The following TP63 variants were observed in gnomAD, a reference collection of about 807,000 sequenced individuals.
TP63 encodes the protein tumor protein p63.
TP63 carries 17 observed loss-of-function variants against 82.8 expected under a neutral mutation model. That is an observed-to-expected ratio of 0.21 (90% CI 0.14 to 0.31). The LOEUF (loss-of-function observed/expected upper bound fraction) is 0.31. TP63 is among the 10% of genes least tolerant of loss of function. The pLI is 1.00. For missense variants in TP63, 648 were observed against 895.3 expected (o/e 0.72, Z 3.52); for synonymous variants, 330 against 321.7 (o/e 1.03, Z -0.28).
chr3:189,740,146 C>T (rs147134745), intron 3 of TP63, among the ~76,000 whole-genome samples: 1 of 152,178 alleles, frequency 6.6e-6, no homozygotes, highest in Non-Finnish European at 1.5e-5. Flanking sequence ...TGACTCTTTT[C>T]ATTCCAATAC....
intron 1 of TP63, among the ~76,000 whole-genome samples, chr3:189,661,123 T>C (rs1159962283): frequency 2.6e-5 from 4 of 152,058 alleles, no homozygotes; most frequent in Non-Finnish European, 5.9e-5. Context: ...ATAGAAGTAG[T>C]GAGAGTAAGC....
At chr3:189,621,613 G>A in the TP63 span, among the ~76,000 whole-genome samples, 2 of 151,664 alleles carry the variant, frequency 1.3e-5, no homozygotes, top group Non-Finnish European at 2.9e-5. Context: ...GTGCATATAT[G>A]CATACATATC....
At chr3:189,844,421 G>T (rs978296708) in intron 4 of TP63, 1 of 324,708 alleles carries the variant, frequency 3.1e-6, no homozygotes, top group African/African-American at 2.2e-5. Flanking sequence ...AAGTAGGTGG[G>T]ATTACAGACA....
chr3:189,862,978 G>T (rs976189183), intron 4 of TP63, among the ~76,000 whole-genome samples: 1 of 152,162 alleles, frequency 6.6e-6, no homozygotes, highest in Non-Finnish European at 1.5e-5. Flanking sequence ...GAAAAGGAAA[G>T]GTCATTTAAA....
At chr3:189,773,974 G>C (rs1011001592) in intron 3 of TP63, among the ~76,000 whole-genome samples, 2 of 136,056 alleles carry the variant, frequency 1.5e-5, no homozygotes, top group South Asian at 2.4e-4. Context: ...CCAGGCTGGA[G>C]TGCAGTGGCA....
intron 3 of TP63, among the ~76,000 whole-genome samples, chr3:189,807,193 G>T (rs1425226802): frequency 6.6e-6 from 1 of 152,172 alleles, no homozygotes; most frequent in Non-Finnish European, 1.5e-5. Flanking sequence ...TTTGGCTCAG[G>T]TTTAGAAATG....
chr3:189,800,860 A>C (rs1726228639), intron 3 of TP63, among the ~76,000 whole-genome samples: 1 of 152,202 alleles, frequency 6.6e-6, no homozygotes, highest in African/African-American at 2.4e-5. Flanking sequence ...TCTTTTATAG[A>C]GGGGATGGAA....
chr3:189,874,640 A>T (rs1304503969), intron 10 of TP63, among the ~76,000 whole-genome samples: 1 of 152,196 alleles, frequency 6.6e-6, no homozygotes, highest in African/African-American at 2.4e-5. Context: ...TGTATTCTGA[A>T]GGAGAATTAG....
At chr3:189,600,923 C>T in the TP63 span, among the ~76,000 whole-genome samples, 1 of 152,178 alleles carries the variant, frequency 6.6e-6, no homozygotes, top group Non-Finnish European at 1.5e-5. Context: ...AGCATACATA[C>T]CATCTGATAC....
At chr3:189,676,970 A>T (rs978766153) in intron 1 of TP63, among the ~76,000 whole-genome samples, 4 of 150,950 alleles carry the variant, frequency 2.6e-5, no homozygotes, top group Non-Finnish European at 5.9e-5. Flanking sequence ...CTCATCCCTC[A>T]CTCTCTTCCA....
intron 4 of TP63, among the ~76,000 whole-genome samples, chr3:189,813,036 C>T (rs1168186588): frequency 6.6e-6 from 1 of 152,146 alleles, no homozygotes; most frequent in African/African-American, 2.4e-5. Context: ...CCGAAGCCTG[C>T]CCAAGCAGAT....
At chr3:189,681,923 A>T (rs1560106585) in intron 1 of TP63, among the ~76,000 whole-genome samples, 1 of 152,120 alleles carries the variant, frequency 6.6e-6, no homozygotes, top group Non-Finnish European at 1.5e-5. Context: ...CAAAATAGCA[A>T]TGCAAAGGCT....
At chr3:189,605,797 A>G in the TP63 span, among the ~76,000 whole-genome samples, 7 of 152,332 alleles carry the variant, frequency 4.6e-5, no homozygotes, top group Admixed American at 3.3e-4. Flanking sequence ...AGTCTTTCAG[A>G]CAAAGCAGTA....
chr3:189,762,540 G>T (rs527687128), intron 3 of TP63, among the ~76,000 whole-genome samples: 9 of 152,274 alleles, frequency 5.9e-5, no homozygotes, highest in Non-Finnish European at 1.3e-4. Context: ...ATGTGGAAGG[G>T]TCTGCTGGGT....
At chr3:189,728,672 G>A (rs1719943274) in intron 1 of TP63, among the ~76,000 whole-genome samples, 1 of 152,150 alleles carries the variant, frequency 6.6e-6, no homozygotes, top group South Asian at 2.1e-4. Flanking sequence ...TGCATGGCTG[G>A]GGGAGGCCTC....
intron 3 of TP63, among the ~76,000 whole-genome samples, chr3:189,795,734 A>G (rs1205496860): frequency 1.3e-5 from 2 of 152,086 alleles, no homozygotes; most frequent in African/African-American, 4.8e-5. Context: ...CTAAGAGCGG[A>G]AACCTATATG....
At chr3:189,859,709 T>C (rs569369265) in intron 4 of TP63, among the ~76,000 whole-genome samples, 1 of 152,282 alleles carries the variant, frequency 6.6e-6, no homozygotes, top group East Asian at 1.9e-4. Flanking sequence ...AATGGAAATG[T>C]ACATCCTCAC....
At chr3:189,787,983 A>G (rs116226861) in intron 3 of TP63, among the ~76,000 whole-genome samples, 2,073 of 152,076 alleles carry the variant, frequency 0.014, 58 homozygotes, top group African/African-American at 0.047. Flanking sequence ...GCATACCTTT[A>G]AGGAAGTAAC....
chr3:189,812,566 A>G (rs1203577852), intron 4 of TP63, among the ~76,000 whole-genome samples: 1 of 152,216 alleles, frequency 6.6e-6, no homozygotes, highest in Non-Finnish European at 1.5e-5. Context: ...TTCAGATTTC[A>G]ACTCGGAAAC....
Sources: allele counts gnomAD v4.1 joint callset (sites outside exome capture counted in the v4.1 genomes callset), GRCh38; gene constraint gnomAD v4.1.1; transcripts MANE v1.5; gene names NCBI Gene and HGNC (gene_info 2026-07-23, HGNC 2026-07-21).